The following AMBRA1 variants were observed in gnomAD, a reference collection of about 807,000 sequenced individuals.
The protein encoded by AMBRA1 is autophagy and beclin 1 regulator 1, also known as activating molecule in BECN1-regulated autophagy protein 1.
In AMBRA1, 47 loss-of-function variants were observed where a neutral mutation model predicts 125.4. That is an observed-to-expected ratio of 0.37 (90% CI 0.30 to 0.48). AMBRA1 has a LOEUF of 0.48. Among genes scored for constraint, AMBRA1 ranks in the 20% least tolerant of loss-of-function variants. AMBRA1 has a pLI of 0.99. For missense variants in AMBRA1, 1,331 were observed against 1,693.4 expected (o/e 0.79, Z 3.76); for synonymous variants, 626 against 655.5 (o/e 0.95, Z 0.69).
intron 7 of AMBRA1, among the ~76,000 whole-genome samples, chr11:46,520,619 G>C (rs1241330220): frequency 6.8e-6 from 1 of 146,850 alleles, no homozygotes; most frequent in African/African-American, 2.5e-5. Flanking sequence ...TTTTTGAGAC[G>C]GAGTCTCGCT....
Position 46,418,049 on chromosome 11 carries a change from C to T in AMBRA1, c.2980G>A (p.Val994Ile). ...AHGGETSMRR[V>I]FNVLYPMPAD... ...GGCATGGGATAAAGGACGTTGAAAACTCTCTAGGTAGAGGAAAAGAGGGAA... is the reference window on the plus strand; with the variant it reads ...GGCATGGGATAAAGGACGTTGAAAATTCTCTAGGTAGAGGAAAAGAGGGAA... The change falls in exon 15 of 18, where the codon GTT becomes ATT. Residue 994 changes from valine to isoleucine, a missense_variant. By Grantham distance (29) the Val-to-Ile change is conservative. This residue lies in a region of AMBRA1 where 354 missense variants were observed against 532.7 expected (regional missense o/e 0.66). Coordinates refer to ENST00000683756, the MANE Select transcript of AMBRA1 (RefSeq NM_001387011.1). 1 of 1,572,382 alleles carries T rather than the reference C, an allele frequency of 6.4e-7. No homozygotes were observed. Among genetic ancestry groups the T allele is most frequent in the Non-Finnish European group, 8.7e-7 (1 of 1,152,052 alleles).
At chr11:46,411,921 C>T (rs191199053) in intron 15 of AMBRA1, among the ~76,000 whole-genome samples, 4 of 152,262 alleles carry the variant, frequency 2.6e-5, no homozygotes, top group Non-Finnish European at 2.9e-5. Context: ...CCACCATGCC[C>T]GGCCCAAATC....
chr11:46,402,144 C>G (rs1590706754), intron 17 of AMBRA1, among the ~76,000 whole-genome samples: 1 of 152,370 alleles, frequency 6.6e-6, no homozygotes, highest in East Asian at 1.9e-4. Flanking sequence ...CTCCCCGTAG[C>G]TGTGGCATCT....
chr11:46,414,333 G>C (rs1202260961), intron 15 of AMBRA1, among the ~76,000 whole-genome samples: 1 of 152,190 alleles, frequency 6.6e-6, no homozygotes, highest in Non-Finnish European at 1.5e-5. Flanking sequence ...GCTCCCTTTT[G>C]ATTCGGAGGC....
intron 1 of AMBRA1, among the ~76,000 whole-genome samples, chr11:46,561,064 T>C (rs940500176): frequency 1.3e-5 from 2 of 152,072 alleles, no homozygotes; most frequent in Non-Finnish European, 2.9e-5. Context: ...CAATTCTTCC[T>C]GGAAACCCCT....
Position 46,543,313 on chromosome 11 carries a change from C to T in AMBRA1, c.704G>A (p.Arg235His), listed in dbSNP as rs1952844669. ...QRALLQSQPV[R>H]RTPLLHNFLH... ...GAAATTGTGGAGGAGAGGCGTCCGG[C>T]GAACTGGCTGTGATTGCAGGAGGGC... Residue 235 changes from arginine (R) to histidine (H), a missense_variant, in exon 7 of 18, where the codon CGC becomes CAC. Arg to His is a conservative substitution (Grantham distance 29). Around this residue, in one of 4 missense-constraint regions of AMBRA1, gnomAD observed 689 missense variants for 776.5 expected, o/e 0.89. Coordinates refer to ENST00000683756, the MANE Select transcript of AMBRA1 (RefSeq NM_001387011.1). 6.2e-7 allele frequency: 1 copy of T among 1,613,950 alleles called. No homozygotes were observed. Among genetic ancestry groups the T allele is most frequent in the Non-Finnish European group, 8.5e-7 (1 of 1,179,964 alleles).
chr11:46,575,238 A>AC (rs1219187398), intron 1 of AMBRA1, among the ~76,000 whole-genome samples: 1 of 152,042 alleles, frequency 6.6e-6, no homozygotes, highest in Non-Finnish European at 1.5e-5. Context: ...CAGGTGTATC[A>AC]CCTGAGGTCA....
intron 11 of AMBRA1, among the ~76,000 whole-genome samples, chr11:46,476,909 C>G (rs570462093): frequency 6.6e-6 from 1 of 152,182 alleles, no homozygotes; most frequent in Admixed American, 6.5e-5. Context: ...GAGTTCGAAA[C>G]CAGCCTGGTC....
chr11:46,422,417 A>G (rs1236083377), intron 14 of AMBRA1, among the ~76,000 whole-genome samples: 3 of 152,210 alleles, frequency 2.0e-5, no homozygotes, highest in African/African-American at 7.2e-5. Flanking sequence ...CTAAGAGAGT[A>G]GAAGACAATG....
chr11:46,441,428 C>G (rs950547860), intron 12 of AMBRA1, among the ~76,000 whole-genome samples: 1 of 151,908 alleles, frequency 6.6e-6, no homozygotes, highest in Non-Finnish European at 1.5e-5. Context: ...GCGGGAGAAT[C>G]GCATGAACCT....
intron 5 of AMBRA1, among the ~76,000 whole-genome samples, chr11:46,544,379 A>T (rs542561441): frequency 1.3e-5 from 2 of 152,212 alleles, no homozygotes; most frequent in South Asian, 4.1e-4. Flanking sequence ...ACTCTGCCAC[A>T]GAATCAGTTC....
At chr11:46,417,654 G>C (rs929818372) in intron 15 of AMBRA1, among the ~76,000 whole-genome samples, 1 of 151,918 alleles carries the variant, frequency 6.6e-6, no homozygotes, top group African/African-American at 2.4e-5. Context: ...AGAGAACAAG[G>C]GAAAACAAAG....
intron 7 of AMBRA1, chr11:46,518,015 G>A (rs747277995): frequency 1.2e-4 from 76 of 619,862 alleles, no homozygotes; most frequent in Non-Finnish European, 1.3e-4. Flanking sequence ...GGGTATATGG[G>A]AATCCTCTAT....
chr11:46,434,733 T>C (rs1010031386), intron 13 of AMBRA1, 116 bp downstream of exon 13: 3 of 1,088,222 alleles, frequency 2.8e-6, no homozygotes, highest in African/African-American at 1.6e-5. Flanking sequence ...TGTGCCCCAG[T>C]GAAGGTAGGG....
At chr11:46,507,692 G>A (rs931044926) in intron 9 of AMBRA1, among the ~76,000 whole-genome samples, 1 of 152,170 alleles carries the variant, frequency 6.6e-6, no homozygotes, top group African/African-American at 2.4e-5. Context: ...AAAAAGTTTA[G>A]GCAATGGAGT....
chr11:46,564,095 G>T (rs2135248530), intron 1 of AMBRA1, among the ~76,000 whole-genome samples: 1 of 141,206 alleles, frequency 7.1e-6, no homozygotes, highest in South Asian at 2.3e-4. Context: ...AGTGAGCCGA[G>T]ATGGCGCCAT....
intron 1 of AMBRA1, among the ~76,000 whole-genome samples, chr11:46,568,773 A>C (rs1187677945): frequency 1.2e-5 from 1 of 81,960 alleles, no homozygotes. Flanking sequence ...ACTCCATCTC[A>C]AAAAAAAAAA....
At chr11:46,592,655 G>A (rs1022241747) in intron 1 of AMBRA1, among the ~76,000 whole-genome samples, 4 of 152,024 alleles carry the variant, frequency 2.6e-5, no homozygotes, top group African/African-American at 9.7e-5. Flanking sequence ...CTACTCGGGA[G>A]TCTGAGGCAG....
intron 17 of AMBRA1, among the ~76,000 whole-genome samples, chr11:46,399,849 A>T (rs1945646103): frequency 6.6e-6 from 1 of 152,194 alleles, no homozygotes; most frequent in Non-Finnish European, 1.5e-5. Flanking sequence ...GGAGAGAAGG[A>T]TCTGTCCGCC....
Sources: allele counts gnomAD v4.1 joint callset (sites outside exome capture counted in the v4.1 genomes callset), GRCh38; gene constraint gnomAD v4.1.1; regional missense constraint gnomAD v4.1.1; transcripts MANE v1.5; gene names NCBI Gene and HGNC (gene_info 2026-07-23, HGNC 2026-07-21).